The following TENM3 variants were observed in gnomAD, a reference collection of about 807,000 sequenced individuals.
The protein encoded by TENM3 is teneurin transmembrane protein 3.
A neutral mutation model predicts 255.1 loss-of-function variants in TENM3; 63 were observed. That is an observed-to-expected ratio of 0.25 (90% CI 0.20 to 0.30). TENM3 has a LOEUF of 0.30. TENM3 is among the 10% of genes least tolerant of loss of function. The probability of loss-of-function intolerance (pLI) is 1.00; values close to 1 mark genes in which losing one functional copy is unlikely to be tolerated. For missense variants in TENM3, 2,929 were observed against 3,461.1 expected, an observed-to-expected ratio of 0.85 and a Z score of 3.86; for synonymous variants, 1,306 against 1,322.3, an observed-to-expected ratio of 0.99 and a Z score of 0.27.
At chr4:181,831,968 T>TGTGTGTG in the TENM3 span, among the ~76,000 whole-genome samples, 1 of 132,640 alleles carries the variant, frequency 7.5e-6, no homozygotes, top group Non-Finnish European at 1.6e-5. Context: ...ATATATTACA[T>TGTGTGTG]TGTGTGTGTG....
chr4:182,014,843 A>G, the TENM3 span, among the ~76,000 whole-genome samples: 23 of 152,130 alleles, frequency 1.5e-4, 1 homozygote, highest in Non-Finnish European at 2.8e-4. Flanking sequence ...TCTAGAAAGG[A>G]TCAACATTTC....
chr4:181,914,879 T>C, the TENM3 span, among the ~76,000 whole-genome samples: 5 of 152,204 alleles, frequency 3.3e-5, no homozygotes, highest in Non-Finnish European at 4.4e-5. Context: ...GCCCCTTTTA[T>C]GCACCAGGTA....
intron 3 of TENM3, among the ~76,000 whole-genome samples, chr4:182,371,257 A>G (rs114853229): frequency 6.6e-5 from 10 of 151,442 alleles, no homozygotes; most frequent in Admixed American, 1.3e-4. Flanking sequence ...ACACACACAC[A>G]CACAGACTTT....
chr4:181,661,887 A>G, the TENM3 span, among the ~76,000 whole-genome samples: 1 of 145,876 alleles, frequency 6.9e-6, no homozygotes, highest in Non-Finnish European at 1.5e-5. Context: ...TGGCAGTGAG[A>G]TAAGGACTGG....
At chr4:182,412,018 A>G (rs1284944418) in intron 3 of TENM3, among the ~76,000 whole-genome samples, 3 of 152,180 alleles carry the variant, frequency 2.0e-5, no homozygotes, top group Non-Finnish European at 2.9e-5. Flanking sequence ...CAGGATGATG[A>G]GGGCTAACAG....
the TENM3 span, among the ~76,000 whole-genome samples, chr4:181,526,230 C>T: frequency 6.6e-6 from 1 of 151,344 alleles, no homozygotes; most frequent in Non-Finnish European, 1.5e-5. Context: ...GGAATTTAAT[C>T]ACTTTTGCTT....
At chr4:182,638,494 C>G (rs975969940) in intron 5 of TENM3, among the ~76,000 whole-genome samples, 5 of 152,210 alleles carry the variant, frequency 3.3e-5, no homozygotes, top group African/African-American at 4.8e-5. Context: ...TGAGGCCCCC[C>G]CATTGTGCAT....
At chr4:182,143,780 C>G (rs974854646), upstream of TENM3, 1 of 152,570 alleles carries the variant, frequency 6.6e-6, no homozygotes, top group Admixed American at 6.5e-5. The surrounding 1 kb of genome is among the most constrained non-coding windows in gnomAD (Gnocchi z 4.3). Flanking sequence ...CGGGCAGACC[C>G]CTCATCAGAG....
intron 3 of TENM3, 56 bp from the exon 4 acceptor site, chr4:182,600,868 C>CATATATATATATATAT (rs141344153): frequency 2.1e-5 from 13 of 628,840 alleles, no homozygotes; most frequent in Non-Finnish European, 3.0e-5. Flanking sequence ...TGTGTATATA[C>CATATATATATATATAT]ATATATATAT....
chr4:181,969,879 T>A, the TENM3 span, among the ~76,000 whole-genome samples: 1 of 152,230 alleles, frequency 6.6e-6, no homozygotes, highest in Non-Finnish European at 1.5e-5. Context: ...CAGTATTTAA[T>A]TCGTTAACGT....
At chr4:182,526,959 C>G (rs904845545) in intron 3 of TENM3, among the ~76,000 whole-genome samples, 1 of 146,194 alleles carries the variant, frequency 6.8e-6, no homozygotes, top group Non-Finnish European at 1.5e-5. Context: ...CCCTTTCGCT[C>G]CTTTCTGAGT....
At chr4:182,145,610 G>C (rs1228096144) in intron 1 of TENM3, among the ~76,000 whole-genome samples, 1 of 152,154 alleles carries the variant, frequency 6.6e-6, no homozygotes, top group Non-Finnish European at 1.5e-5. Flanking sequence ...TGTAGAGAGA[G>C]GGTAACAAGT....
In TENM3 at chr4:182,314,820, T is replaced by G. The variant is rs566874493; in HGVS notation, c.-75-9126T>G. Among the ~76,000 whole-genome samples, 178 of 152,354 alleles carry G rather than the reference T, an allele frequency of 1.2e-3. 1 individual carries two copies. The highest frequency in any genetic ancestry group is 2.2e-3 in the Non-Finnish European group (149 of 68,024). On this transcript the variant is annotated intron_variant, in intron 1 of 27. Transcript: ENST00000511685. ...CTATCATCTTGCTATTTGCATTTGA[T>G]CTGTACCATATTTTCCGTGTTCAAC... is the stretch of plus-strand genomic sequence containing the variant.
chr4:181,632,905 T>A, the TENM3 span, among the ~76,000 whole-genome samples: 2 of 152,200 alleles, frequency 1.3e-5, no homozygotes, highest in Non-Finnish European at 2.9e-5. Context: ...AGTAGTCCTA[T>A]AACCAATTAA....
chr4:182,483,287 G>A (rs190232318), intron 3 of TENM3, among the ~76,000 whole-genome samples: 324 of 152,242 alleles, frequency 2.1e-3, no homozygotes, highest in African/African-American at 7.3e-3. Flanking sequence ...TAGTAGACGT[G>A]CACTGGTGTG....
chr4:182,341,435 G>A (rs1020332556), intron 2 of TENM3, among the ~76,000 whole-genome samples: 1 of 151,946 alleles, frequency 6.6e-6, no homozygotes, highest in South Asian at 2.1e-4. Flanking sequence ...CCAAAAGTGG[G>A]ATTATACTAT....
At chr4:182,068,526 T>G in the TENM3 span, among the ~76,000 whole-genome samples, 2 of 151,972 alleles carry the variant, frequency 1.3e-5, no homozygotes, top group African/African-American at 2.4e-5. Flanking sequence ...ATTATAGCAA[T>G]TAAACTGTCT....
At chr4:182,330,656 T>C (rs1302376917) in intron 2 of TENM3, among the ~76,000 whole-genome samples, 2 of 152,192 alleles carry the variant, frequency 1.3e-5, no homozygotes, top group Non-Finnish European at 2.9e-5. Context: ...AGAGACCACG[T>C]CAACAGTGTA....
the TENM3 span, among the ~76,000 whole-genome samples, chr4:181,733,313 C>T: frequency 6.6e-6 from 1 of 152,162 alleles, no homozygotes; most frequent in African/African-American, 2.4e-5. Context: ...AGTTATTTTC[C>T]AAAATCTTCT....
Sources: gnomAD v4.1 joint callset for allele counts (sites outside exome capture counted in the v4.1 genomes callset) on GRCh38, gnomAD v4.1.1 for gene constraint, Gnocchi (gnomAD v3.1) non-coding constraint, MANE v1.5 for transcripts, NCBI Gene and HGNC (gene_info 2026-07-23, HGNC 2026-07-21) for gene names.